The following AXIN1 variants were observed in gnomAD, a reference collection of about 807,000 sequenced individuals.
AXIN1 encodes axin 1.
Under a neutral mutation model 76.4 loss-of-function variants are expected in AXIN1, and 30 were observed. The ratio of observed to expected loss-of-function variants is 0.39; its 90% CI spans 0.29 to 0.53. AXIN1 has a LOEUF of 0.53. Ranked by LOEUF, AXIN1 falls within the 20% of genes least tolerant of loss-of-function variation. The probability of loss-of-function intolerance (pLI) is 0.66; values close to 1 mark genes in which losing one functional copy is unlikely to be tolerated. For synonymous variants in AXIN1, 545 were observed against 501.4 expected, an observed-to-expected ratio of 1.09 and a Z score of -1.16; for missense variants, 1,140 against 1,198.8, an observed-to-expected ratio of 0.95 and a Z score of 0.72.
At chr16:288,573 C>T (rs563919192) in intron 10 of AXIN1, among the ~76,000 whole-genome samples, 6 of 152,220 alleles carry the variant, frequency 3.9e-5, no homozygotes, top group Admixed American at 2.6e-4. Flanking sequence ...GGCTGAGCCC[C>T]GTCATGGAGG....
intron 2 of AXIN1, among the ~76,000 whole-genome samples, chr16:343,764 A>G (rs948598725): frequency 6.6e-6 from 1 of 151,830 alleles, no homozygotes; most frequent in Admixed American, 6.6e-5. Flanking sequence ...CCGTAATCCC[A>G]GCACTTTGGG....
At chr16:326,354 C>CAAAAA (rs1187459071) in intron 2 of AXIN1, among the ~76,000 whole-genome samples, 65 of 64,116 alleles carry the variant, frequency 1.0e-3, no homozygotes, top group Non-Finnish European at 1.5e-3. Context: ...AACTCCGTCT[C>CAAAAA]AAAAAAAAAA....
rs775195360 is a variant in AXIN1 at position 339,678 on chromosome 16, T to TA, written c.878+6469dup. Among the ~76,000 whole-genome samples the TA allele has an allele frequency of 1.3e-3, 183 of 137,154 alleles. 1 individual carries two copies. The highest frequency in any genetic ancestry group is 1.6e-3 in the African/African-American group (61 of 37,208). The allele number at this position is 137,154 out of a possible 152,430, so 90.0% of individuals were successfully genotyped here. On this transcript the variant is annotated intron_variant, in intron 2 of 10. Transcript: ENST00000262320. ...ACCTGTGTGACAGAGCAAGACTGTC[T>TA]AAAAAAAAAAAAAAATTCTCTTCAG... is the stretch of plus-strand genomic sequence containing the variant.
chr16:307,755 T>C lies in AXIN1; in HGVS notation c.1116+2218A>G, dbSNP rs538011730. Among the ~76,000 whole-genome samples, 142 of 152,300 alleles carry C rather than the reference T, an allele frequency of 9.3e-4. 1 individual carries two copies. Among genetic ancestry groups the C allele is most frequent in the Non-Finnish European group, 1.4e-3 (97 of 68,018 alleles). ...CCATGGACTCACCAGAGAAACGGCATAGCTTTTGCAAAACCAAGGCCCTCA... is the reference window on the plus strand; with the variant it reads ...CCATGGACTCACCAGAGAAACGGCACAGCTTTTGCAAAACCAAGGCCCTCA... On this transcript the variant is annotated intron_variant, in intron 4 of 10. Transcript: ENST00000262320.
At position 346,364 on chromosome 16, in the gene AXIN1, C is replaced by G. The variant is rs1448250803; in HGVS notation, c.662G>C (p.Cys221Ser). The part of the protein sequence containing the change: ...TRTGSESPKV[C>S]SDQSSGSGTG... ...CCCTGACCCAGAGCTCTGGTCACTA[C>G]AGACTTTGGGGCTCTCCGAGCCTGT... The change falls in exon 2 of 11, where the codon TGT becomes TCT. Residue 221 changes from cysteine (C) to serine (S), a missense_variant. Physicochemically the swap from Cys to Ser is moderately radical, Grantham distance 112 (BLOSUM62 -1). Coordinates refer to ENST00000262320, the MANE Select transcript of AXIN1 (RefSeq NM_003502.4). The G allele has an allele frequency of 3.1e-6, 5 of 1,614,224 alleles. No individual in the cohort carries two copies.
intron 8 of AXIN1, chr16:292,611 A>T (rs993725625): frequency 1.3e-5 from 2 of 152,162 alleles, no homozygotes; most frequent in Non-Finnish European, 2.9e-5. Flanking sequence ...GAAGGCAACC[A>T]TGGCCTCTGT....
At chr16:296,379 G>A (rs1393304969) in intron 7 of AXIN1, among the ~76,000 whole-genome samples, 2 of 152,274 alleles carry the variant, frequency 1.3e-5, no homozygotes, top group South Asian at 4.1e-4. Flanking sequence ...CCACCCACCA[G>A]GGCCAACACT....
Position 287,624 on chromosome 16 carries a change from G to A in AXIN1, c.*498C>T. ...AGGACTGCACAGCCGGCGGCTGGAG[G>A]CAGGTGCAGTGCTCCGTCGCCGATT... is the stretch of plus-strand genomic sequence containing the variant. On this transcript the variant is annotated 3_prime_UTR_variant, in exon 11 of 11. Coordinates refer to ENST00000262320, the MANE Select transcript of AXIN1 (RefSeq NM_003502.4). The A allele has an allele frequency of 3.2e-6, 1 of 314,016 alleles. No homozygotes were observed. The highest frequency in any genetic ancestry group is 4.6e-5 in the Admixed American group (1 of 21,618). 19.5% of individuals were successfully genotyped at this position (314,016 alleles called of 1,614,324 possible). A position where few individuals can be genotyped will look rare whatever the true frequency, so the allele number is the denominator to read the frequency against.
chr16:306,989 G>A (rs1053266480), intron 4 of AXIN1, among the ~76,000 whole-genome samples: 4 of 151,666 alleles, frequency 2.6e-5, no homozygotes, highest in African/African-American at 9.8e-5. Flanking sequence ...CCTGGAGGCT[G>A]GGTGGCTGGG....
intron 4 of AXIN1, among the ~76,000 whole-genome samples, chr16:308,200 T>A (rs892168716): frequency 1.3e-5 from 2 of 152,192 alleles, no homozygotes; most frequent in Non-Finnish European, 2.9e-5. Flanking sequence ...AATGTGACCC[T>A]CCAGGACCTG....
chr16:348,525 C>T (rs952284489), intron 1 of AXIN1, among the ~76,000 whole-genome samples: 57 of 152,330 alleles, frequency 3.7e-4, no homozygotes, highest in Non-Finnish European at 6.2e-4. Flanking sequence ...CAGAGCCAGG[C>T]GTGGTGTCAC....
intron 5 of AXIN1, among the ~76,000 whole-genome samples, chr16:300,441 C>T (rs563766980): frequency 6.6e-6 from 1 of 151,946 alleles, no homozygotes; most frequent in Non-Finnish European, 1.5e-5. Context: ...CTCAAGTGAT[C>T]CTTCTGTCTT....
intron 4 of AXIN1, among the ~76,000 whole-genome samples, chr16:308,540 C>T (rs1336871269): frequency 6.6e-6 from 1 of 152,256 alleles, no homozygotes; most frequent in Non-Finnish European, 1.5e-5. Flanking sequence ...AGGGCTGTTC[C>T]GGGCCTGTGG....
In AXIN1 at chr16:310,081, A is replaced by G; in HGVS notation, c.1020-12T>C. 6.2e-7 allele frequency: 1 copy of G among 1,602,796 alleles called. No individual in the cohort carries two copies. Among genetic ancestry groups the G allele is most frequent in the Non-Finnish European group, 8.5e-7 (1 of 1,175,252 alleles). On this transcript the variant is annotated splice_polypyrimidine_tract_variant and intron_variant, in intron 3 of 10. Transcript: ENST00000262320. The stretch of plus-strand genomic sequence containing the variant: ...GGGGGATCCCATCCCTGTCCAGGAG[A>G]AAGAGGCAGCCGTTAACTCAGAGAG...
chr16:295,587 A>G lies in AXIN1; in HGVS notation c.1955+1469T>C, dbSNP rs139601256. Among the ~76,000 whole-genome samples the G allele has an allele frequency of 4.5e-4, 68 of 152,018 alleles. 1 individual carries two copies. In the East Asian group the frequency reaches 9.6e-3, roughly 22 times the overall value. ...AAAAAAGTCTTAATGAATAAAAAGTATAAGTATGTCTCAAAGTGGAATGTA... is the reference window on the plus strand; with the variant it reads ...AAAAAAGTCTTAATGAATAAAAAGTGTAAGTATGTCTCAAAGTGGAATGTA... On this transcript the variant is annotated intron_variant, in intron 7 of 10. Coordinates refer to ENST00000262320, the MANE Select transcript of AXIN1 (RefSeq NM_003502.4).
rs1162210866 is a variant in AXIN1, at chr16:297,972, C to T, written c.1534G>A (p.Gly512Arg). ...MPVALGGAAS[G>R]HGKHVPKSGA... is the part of the protein sequence containing the mutation. Reference sequence around the variant, plus strand: ...GACTTGGGTACGTGCTTCCCGTGCCCCGAGGCGGCACCCCCCAGTGCCACT... The same window carrying T: ...GACTTGGGTACGTGCTTCCCGTGCCTCGAGGCGGCACCCCCCAGTGCCACT... Residue 512 changes from glycine (G) to arginine (R), a missense_variant, in exon 6 of 11, where the codon GGG (glycine) becomes AGG (arginine). By Grantham distance (125) the Gly-to-Arg change is moderately radical. Coordinates refer to ENST00000262320, the MANE Select transcript of AXIN1 (RefSeq NM_003502.4). 6.2e-7 allele frequency: 1 copy of T among 1,601,734 alleles called. No individual in the cohort carries two copies. Among genetic ancestry groups the T allele is most frequent in the African/African-American group, 1.3e-5 (1 of 74,974 alleles).
In AXIN1 at chr16:293,249, A is replaced by C. The variant is rs1304039139; in HGVS notation, c.2186+239T>G. ...GGTTGAGGAGGGACCCCGCCTCCAG[A>C]GCAATGAGCGCGGCGGCCTCGGGTG... On this transcript the variant is annotated intron_variant, in intron 8 of 10. Coordinates refer to ENST00000262320, the MANE Select transcript of AXIN1 (RefSeq NM_003502.4). The surrounding 1 kb of genome is among the most constrained non-coding windows in gnomAD (Gnocchi z 4.6). 3.4e-6 allele frequency: 2 copies of C among 580,372 alleles called. No homozygotes were observed. Among genetic ancestry groups the C allele is most frequent in the Non-Finnish European group, 6.2e-6 (2 of 325,176 alleles). The allele number at this position is 580,372 out of a possible 1,614,324, so 36.0% of individuals were successfully genotyped here.
intron 5 of AXIN1, among the ~76,000 whole-genome samples, chr16:303,682 G>A (rs531872056): frequency 3.5e-4 from 54 of 152,172 alleles, no homozygotes; most frequent in Admixed American, 1.2e-3. Flanking sequence ...TCGCCCGCCC[G>A]TTTCCCTTTT....
chr16:317,151 A>C lies in AXIN1; in HGVS notation c.879-2468T>G, dbSNP rs188555457. On this transcript the variant is annotated intron_variant, in intron 2 of 10. Coordinates refer to ENST00000262320, the MANE Select transcript of AXIN1 (RefSeq NM_003502.4). Reference sequence around the variant, plus strand: ...AGCCCCAGTTCTACTTACACCAGGAAAGGCCCTTTGACAAGATGGGAGGGG... The same window carrying C: ...AGCCCCAGTTCTACTTACACCAGGACAGGCCCTTTGACAAGATGGGAGGGG... Among the ~76,000 whole-genome samples the C allele has an allele frequency of 4.4e-4, 67 of 152,292 alleles. No individual in the cohort carries two copies. The East Asian group carries it at 0.011, about 24-fold the overall frequency.
Sources: allele counts gnomAD v4.1 joint callset (sites outside exome capture counted in the v4.1 genomes callset), GRCh38; gene constraint gnomAD v4.1.1; non-coding constraint Gnocchi (gnomAD v3.1); transcripts MANE v1.5; gene names NCBI Gene and HGNC (gene_info 2026-07-23, HGNC 2026-07-21).